The following SHISAL1 variants were observed in gnomAD, a reference collection of about 807,000 sequenced individuals.
The protein encoded by SHISAL1 is shisa like 1, also known as protein shisa-like-1.
Under a neutral mutation model 22.6 loss-of-function variants are expected in SHISAL1, and 9 were observed. The ratio of observed to expected loss-of-function variants is 0.40; its 90% CI spans 0.24 to 0.70. The LOEUF (loss-of-function observed/expected upper bound fraction) is 0.70, where lower values mean the gene tolerates loss of function less well. SHISAL1 is among the 30% of genes least tolerant of loss of function. The pLI, the probability that SHISAL1 is intolerant of heterozygous loss-of-function variation, is 0.39. For synonymous variants in SHISAL1, 119 were observed against 115.4 expected, an observed-to-expected ratio of 1.03 and a Z score of -0.20; for missense variants, 246 against 270.6, an observed-to-expected ratio of 0.91 and a Z score of 0.64.
chr22:44,268,008 G>A (rs530667603), intron 4 of SHISAL1, among the ~76,000 whole-genome samples: 1 of 152,224 alleles, frequency 6.6e-6, no homozygotes, highest in Admixed American at 6.5e-5. Flanking sequence ...TGGGAGTGGG[G>A]TCAACAGGGA....
rs185660604 is a variant in SHISAL1, at chr22:44,288,432, C to T, written c.282-2687G>A. Among the ~76,000 whole-genome samples the T allele has an allele frequency of 2.6e-5, 4 of 151,842 alleles. No individual in the cohort carries two copies. The East Asian group carries it at 5.8e-4, about 22-fold the overall frequency. ...CCGGTGGATCACAAGGTCAGGAGATCGAGACCATCCTGGCTAACACGGTGA... is the reference window on the plus strand; with the variant it reads ...CCGGTGGATCACAAGGTCAGGAGATTGAGACCATCCTGGCTAACACGGTGA... On this transcript the variant is annotated intron_variant, in intron 3 of 4. Coordinates refer to ENST00000381176, the MANE Select transcript of SHISAL1 (RefSeq NM_001099294.2).
At chr22:44,302,737 A>G (rs1361909350) in intron 1 of SHISAL1, among the ~76,000 whole-genome samples, 2 of 136 alleles carry the variant, frequency 0.015, no homozygotes, top group African/African-American at 0.25. Context: ...AGGAGGCAGC[A>G]GGGGCAAAGG....
rs756432583 is a variant in SHISAL1 at position 44,296,840 on chromosome 22, T to C, written c.113A>G (p.Lys38Arg). The change falls in exon 3 of 5, where the codon AAA becomes AGA. Residue 38 changes from lysine to arginine, a missense_variant. Lys to Arg is a conservative substitution (Grantham distance 26). Coordinates refer to ENST00000381176, the MANE Select transcript of SHISAL1 (RefSeq NM_001099294.2). Reference protein sequence around the residue: ...FRVCEPYTDHKGRYHFGFHCP... With the variant: ...FRVCEPYTDHRGRYHFGFHCP... ...GTGGAAGCCAAAGTGGTAGCGGCCTTTGTGGTCTGTGTATGGTTCACAGAC... is the reference window on the plus strand; with the variant it reads ...GTGGAAGCCAAAGTGGTAGCGGCCTCTGTGGTCTGTGTATGGTTCACAGAC... 8 of 1,613,304 alleles carry C rather than the reference T, an allele frequency of 5.0e-6. No homozygotes were observed. In the Admixed American group the frequency reaches 1.2e-4, roughly 24 times the overall value.
intron 3 of SHISAL1, among the ~76,000 whole-genome samples, chr22:44,289,168 G>A (rs1269706632): frequency 6.6e-6 from 1 of 152,190 alleles, no homozygotes; most frequent in African/African-American, 2.4e-5. Context: ...CATGAGGGAG[G>A]AGCTAGTGTT....
At chr22:44,303,758 T>C (rs2055450412) in intron 1 of SHISAL1, among the ~76,000 whole-genome samples, 1 of 152,112 alleles carries the variant, frequency 6.6e-6, no homozygotes, top group Non-Finnish European at 1.5e-5. Flanking sequence ...CTCACCTGCA[T>C]ACTTGGGGGC....
At chr22:44,274,857 G>T (rs1338015311) in intron 4 of SHISAL1, among the ~76,000 whole-genome samples, 3 of 152,092 alleles carry the variant, frequency 2.0e-5, no homozygotes, top group East Asian at 1.9e-4. Context: ...ATCACAGTTA[G>T]CATTTCCTGA....
intron 4 of SHISAL1, among the ~76,000 whole-genome samples, chr22:44,266,321 A>C (rs1319840399): frequency 1.3e-5 from 2 of 151,860 alleles, no homozygotes; most frequent in Non-Finnish European, 2.9e-5. Flanking sequence ...TCTTCAGCAA[A>C]ATATCTTGAT....
intron 1 of SHISAL1, among the ~76,000 whole-genome samples, chr22:44,301,547 T>A (rs1485250742): frequency 6.6e-6 from 1 of 152,180 alleles, no homozygotes; most frequent in Non-Finnish European, 1.5e-5. Flanking sequence ...GCTCCGAGCT[T>A]CTGAGTACAT....
chr22:44,304,965 G>C (rs980367410), intron 1 of SHISAL1, among the ~76,000 whole-genome samples: 1 of 152,194 alleles, frequency 6.6e-6, no homozygotes, highest in African/African-American at 2.4e-5. Flanking sequence ...CCTGGCCCCT[G>C]CTCCTGGTGC....
At position 44,307,727 on chromosome 22, in the gene SHISAL1, TA is replaced by T. The variant is rs552843357; in HGVS notation, c.-33+5023del. Among the ~76,000 whole-genome samples, 5 of 152,240 alleles carry T rather than the reference TA, an allele frequency of 3.3e-5. No individual in the cohort carries two copies. In the East Asian group the frequency reaches 9.7e-4, roughly 29 times the overall value. On this transcript the variant is annotated intron_variant, in intron 1 of 4. Transcript: ENST00000381176. ...TGCTCCGAGATTTGAAGGTTATTTT[TA>T]AACACCGAACTTGGCGAGGCTGGGG...
intron 4 of SHISAL1, among the ~76,000 whole-genome samples, chr22:44,276,702 T>C (rs984833863): frequency 5.9e-5 from 9 of 152,070 alleles, no homozygotes; most frequent in African/African-American, 1.4e-4. Context: ...CTATGGGACA[T>C]CCAAGAGCTG....
chr22:44,285,896 T>C (rs932680787), intron 3 of SHISAL1, 151 bp from the exon 4 acceptor site: 2 of 668,088 alleles, frequency 3.0e-6, no homozygotes, highest in Non-Finnish European at 5.1e-6. Flanking sequence ...GGCGGGGCCT[T>C]GGCTCCCTCT....
intron 4 of SHISAL1, among the ~76,000 whole-genome samples, chr22:44,281,469 G>T (rs1421768868): frequency 2.0e-5 from 3 of 152,022 alleles, no homozygotes; most frequent in African/African-American, 7.3e-5. Flanking sequence ...TGTGTAGGGG[G>T]TAGTGCTGCC....
chr22:44,300,012 GAGAC>G (rs1181276927), intron 2 of SHISAL1, among the ~76,000 whole-genome samples: 1 of 149,924 alleles, frequency 6.7e-6, no homozygotes, highest in Non-Finnish European at 1.5e-5. Flanking sequence ...CAGAAACAGA[GAGAC>G]AGAGACAGAC....
At chr22:44,283,651 C>T (rs946785966) in intron 4 of SHISAL1, among the ~76,000 whole-genome samples, 8 of 152,138 alleles carry the variant, frequency 5.3e-5, no homozygotes, top group Non-Finnish European at 8.8e-5. Context: ...GGCAAGTGTT[C>T]GGCGAGGTGT....
At chr22:44,282,966 G>C (rs135394) in intron 4 of SHISAL1, among the ~76,000 whole-genome samples, 77,148 of 152,086 alleles carry the variant, frequency 0.51, 21,063 homozygotes, top group Non-Finnish European at 0.62. Flanking sequence ...TAATGCTGGA[G>C]ATGTCCTGGG....
At chr22:44,304,674 T>G (rs1490048711) in intron 1 of SHISAL1, among the ~76,000 whole-genome samples, 1 of 152,124 alleles carries the variant, frequency 6.6e-6, no homozygotes, top group Non-Finnish European at 1.5e-5. Flanking sequence ...AGGTCAAGCA[T>G]CTGGGAGTGC....
intron 4 of SHISAL1, among the ~76,000 whole-genome samples, chr22:44,265,539 C>T (rs919977317): frequency 2.0e-5 from 3 of 151,850 alleles, no homozygotes; most frequent in Admixed American, 2.0e-4. Context: ...GACCCCCAAG[C>T]CAGGAGACTC....
the SHISAL1 span, among the ~76,000 whole-genome samples, chr22:44,326,421 ATC>A: frequency 6.6e-6 from 1 of 152,118 alleles, no homozygotes; most frequent in African/African-American, 2.4e-5. Flanking sequence ...TCTGCTGGGC[ATC>A]TCTCTGAGGC....
Sources: allele counts gnomAD v4.1 joint callset (sites outside exome capture counted in the v4.1 genomes callset), GRCh38; gene constraint gnomAD v4.1.1; transcripts MANE v1.5; gene names NCBI Gene and HGNC (gene_info 2026-07-23, HGNC 2026-07-21).